The following NEK6 variants were observed in gnomAD, a reference collection of about 807,000 sequenced individuals.
The protein encoded by NEK6 is NIMA related kinase 6.
In NEK6, 27 loss-of-function variants were observed where a neutral mutation model predicts 43.5. The ratio of observed to expected loss-of-function variants is 0.62; its 90% CI spans 0.46 to 0.86. NEK6 has a LOEUF of 0.86. Ranked by LOEUF, NEK6 falls within the 40% of genes least tolerant of loss-of-function variation. The pLI is 0.00. For missense variants in NEK6, 318 were observed against 414.4 expected, an observed-to-expected ratio of 0.77 and a Z score of 2.02; for synonymous variants, 167 against 164.1, an observed-to-expected ratio of 1.02 and a Z score of -0.14.
intron 7 of NEK6, among the ~76,000 whole-genome samples, chr9:124,327,816 T>C (rs1474129296): frequency 1.3e-5 from 2 of 152,182 alleles, no homozygotes; most frequent in African/African-American, 2.4e-5. Flanking sequence ...ATTTGCACTG[T>C]TCCTAGTTTC....
At position 124,326,858 on chromosome 9, in the gene NEK6, G is replaced by A. The variant is rs544027459; in HGVS notation, c.514+420G>A. On this transcript the variant is annotated intron_variant, in intron 6 of 9. Coordinates refer to ENST00000320246, the MANE Select transcript of NEK6 (RefSeq NM_014397.6). The surrounding 1 kb of genome is among the most constrained non-coding windows in gnomAD (Gnocchi z 4.5). ...GCCTGCTGGGTGCCCGGCAGGGCAC[G>A]AGGTCCTTTACGTAGGCTGCTTCAT... Among the ~76,000 whole-genome samples, 12 of 152,286 alleles carry A rather than the reference G, an allele frequency of 7.9e-5. No individual in the cohort carries two copies. The East Asian group carries it at 1.9e-3, about 25-fold the overall frequency.
chr9:124,286,351 G>A (rs552570883), intron 1 of NEK6: 2 of 152,166 alleles, frequency 1.3e-5, no homozygotes, highest in Non-Finnish European at 2.9e-5. Context: ...GTGTGTCCCG[G>A]AACCAATCCC....
intron 7 of NEK6, among the ~76,000 whole-genome samples, chr9:124,331,000 C>T (rs1828954650): frequency 1.3e-5 from 2 of 152,140 alleles, no homozygotes; most frequent in African/African-American, 2.4e-5. Context: ...TGGTGGCTCC[C>T]GCCTGTGATC....
chr9:124,310,335 CTCT>C (rs1420466767), intron 2 of NEK6, among the ~76,000 whole-genome samples: 7 of 152,256 alleles, frequency 4.6e-5, no homozygotes, highest in Non-Finnish European at 7.3e-5. Context: ...AGGATGCCTG[CTCT>C]TCTTAGGTGG....
At chr9:124,342,592 G>T (rs1829694216) in intron 8 of NEK6, among the ~76,000 whole-genome samples, 1 of 152,228 alleles carries the variant, frequency 6.6e-6, no homozygotes, top group Admixed American at 6.5e-5. Context: ...GGGCACTTCT[G>T]CCCGCCTCCG....
intron 2 of NEK6, among the ~76,000 whole-genome samples, chr9:124,308,055 G>A (rs1240873049): frequency 2.6e-5 from 4 of 152,210 alleles, no homozygotes; most frequent in Admixed American, 2.0e-4. Flanking sequence ...CCTCTTCCAA[G>A]GGCTTGCATT....
intron 8 of NEK6, among the ~76,000 whole-genome samples, chr9:124,345,380 C>T (rs902077330): frequency 6.6e-6 from 1 of 152,158 alleles, no homozygotes; most frequent in African/African-American, 2.4e-5. Context: ...CAGGCTGGGG[C>T]GGATGGAGGA....
intron 8 of NEK6, among the ~76,000 whole-genome samples, chr9:124,344,983 G>C (rs374002244): frequency 9.8e-4 from 149 of 152,378 alleles, no homozygotes; most frequent in Non-Finnish European, 1.6e-3. Context: ...TGGGTGACAA[G>C]ATGGGTGTCT....
chr9:124,310,842 T>C (rs1054356894), intron 2 of NEK6, among the ~76,000 whole-genome samples: 1 of 152,246 alleles, frequency 6.6e-6, no homozygotes, highest in Admixed American at 6.5e-5. Context: ...CGCCTCGGCC[T>C]CCCACAGTGC....
intron 5 of NEK6, among the ~76,000 whole-genome samples, chr9:124,322,032 C>T (rs1339189191): frequency 2.0e-5 from 3 of 152,176 alleles, no homozygotes; most frequent in Non-Finnish European, 4.4e-5. Flanking sequence ...CTTGTAGATC[C>T]ACTACCTCAT....
intron 8 of NEK6, among the ~76,000 whole-genome samples, chr9:124,341,313 G>C (rs959970261): frequency 2.6e-5 from 4 of 152,218 alleles, no homozygotes; most frequent in African/African-American, 9.7e-5. Context: ...TAACAGACTG[G>C]CTGGAGGTGT....
intron 7 of NEK6, among the ~76,000 whole-genome samples, chr9:124,331,885 A>C (rs1021995297): frequency 3.3e-5 from 5 of 152,184 alleles, no homozygotes; most frequent in African/African-American, 1.2e-4. Context: ...CCTGCGTCCC[A>C]TCCCAACAGT....
At position 124,343,275 on chromosome 9, in the gene NEK6, GGATCGCAGCTGGGGAGGTACC is replaced by G. The variant is rs1285262637; in HGVS notation, c.717+3620_717+3640del. Among the ~76,000 whole-genome samples, 2 of 148,964 alleles carry G rather than the reference GGATCGCAGCTGGGGAGGTACC, an allele frequency of 1.3e-5. No homozygotes were observed. The highest frequency in any genetic ancestry group is 5.0e-5 in the African/African-American group (2 of 40,334). Reference sequence around the variant, plus strand: ...GCAGCCGGGGGGTGGTACGGGGGATGGATCGCAGCTGGGGAGGTACCGATCGCAGCGAGGGGTGGTGTGGGG... The same window carrying G: ...GCAGCCGGGGGGTGGTACGGGGGATGGATCGCAGCGAGGGGTGGTGTGGGG... On this transcript the variant is annotated intron_variant, in intron 8 of 9. Transcript: ENST00000320246. The surrounding 1 kb of genome is among the most constrained non-coding windows in gnomAD (Gnocchi z 5.1).
chr9:124,307,474 C>T (rs3758212), intron 2 of NEK6, among the ~76,000 whole-genome samples: 49,405 of 152,106 alleles, frequency 0.32, 8,258 homozygotes, highest in South Asian at 0.37. Flanking sequence ...GCGGTTCCTC[C>T]ACCCTCCTCC....
At chr9:124,310,104 T>C (rs2130847286) in intron 2 of NEK6, among the ~76,000 whole-genome samples, 1 of 152,296 alleles carries the variant, frequency 6.6e-6, no homozygotes, top group East Asian at 1.9e-4. Context: ...GCCCACCCGA[T>C]ACGGAGCAAG....
chr9:124,322,335 C>T (rs1218249404), intron 5 of NEK6, among the ~76,000 whole-genome samples: 1 of 152,210 alleles, frequency 6.6e-6, no homozygotes, highest in Non-Finnish European at 1.5e-5. Context: ...ACATCTTCAC[C>T]TGCCTCATCC....
intron 1 of NEK6, among the ~76,000 whole-genome samples, chr9:124,288,174 G>T (rs986424933): frequency 6.6e-6 from 1 of 152,238 alleles, no homozygotes; most frequent in African/African-American, 2.4e-5. Flanking sequence ...CCTGGAAAGT[G>T]GGTTTCTGGA....
intron 8 of NEK6, among the ~76,000 whole-genome samples, chr9:124,345,531 C>T (rs1202146236): frequency 6.6e-6 from 1 of 152,164 alleles, no homozygotes; most frequent in African/African-American, 2.4e-5. Flanking sequence ...AGCTTGGGGG[C>T]TCAATGCTCC....
chr9:124,321,504 G>A lies in NEK6; in HGVS notation c.340G>A (p.Glu114Lys), dbSNP rs750249273. 6.8e-6 allele frequency: 11 copies of A among 1,614,004 alleles called. No homozygotes were observed. The highest frequency in any genetic ancestry group is 2.2e-5 in the East Asian group (1 of 44,884). The change falls in exon 5 of 10, where the codon GAA becomes AAA. Residue 114 changes from glutamate (E) to lysine (K), a missense_variant. Transcript: ENST00000320246. Reference protein sequence around the residue: ...NIIKYLDSFIEDNELNIVLEL... With the variant: ...NIIKYLDSFIKDNELNIVLEL... ...CATCAAGTATTTGGACTCGTTTATC[G>A]AAGACAACGAGCTGAACATTGTGCT...
Sources: allele counts gnomAD v4.1 joint callset (sites outside exome capture counted in the v4.1 genomes callset), GRCh38; gene constraint gnomAD v4.1.1; non-coding constraint Gnocchi (gnomAD v3.1); transcripts MANE v1.5; gene names NCBI Gene and HGNC (gene_info 2026-07-23, HGNC 2026-07-21).